The following RGS9 variants were observed in gnomAD, a reference collection of about 807,000 sequenced individuals.
RGS9 encodes regulator of G-protein signalling 9.
Under a neutral mutation model 102.0 loss-of-function variants are expected in RGS9, and 78 were observed. The ratio of observed to expected loss-of-function variants is 0.76; its 90% CI spans 0.64 to 0.92. The LOEUF (loss-of-function observed/expected upper bound fraction) is 0.92. Among genes scored for constraint, RGS9 ranks in the 40% least tolerant of loss-of-function variants. RGS9 has a pLI of 0.00. For synonymous variants in RGS9, 353 were observed against 318.6 expected, an observed-to-expected ratio of 1.11 and a Z score of -1.15; for missense variants, 833 against 866.1, an observed-to-expected ratio of 0.96 and a Z score of 0.48.
At chr17:65,192,992 T>G (rs1912431886) in intron 11 of RGS9, among the ~76,000 whole-genome samples, 1 of 151,774 alleles carries the variant, frequency 6.6e-6, no homozygotes, top group African/African-American at 2.4e-5. Context: ...AGGCCGGGCA[T>G]GGTGGCTCAC....
At chr17:65,157,911 G>T (rs897014219) in intron 2 of RGS9, among the ~76,000 whole-genome samples, 2 of 152,032 alleles carry the variant, frequency 1.3e-5, no homozygotes, top group Non-Finnish European at 2.9e-5. Flanking sequence ...TCTGTTTTGT[G>T]TGTGTGTATG....
intron 17 of RGS9, among the ~76,000 whole-genome samples, chr17:65,216,710 G>C (rs1454176419): frequency 6.6e-6 from 1 of 152,156 alleles, no homozygotes; most frequent in Admixed American, 6.5e-5. Flanking sequence ...TTGAAAATGT[G>C]CTTCTGGTGA....
chr17:65,225,632 G>C, intron 18 of RGS9, 146 bp downstream of exon 18: 1 of 1,163,388 alleles, frequency 8.6e-7, no homozygotes, highest in East Asian at 2.5e-5. Flanking sequence ...TTGGCCACTG[G>C]AAGATATTCA....
chr17:65,204,395 A>T (rs1159856042), intron 15 of RGS9, 94 bp downstream of exon 15: 7 of 1,440,690 alleles, frequency 4.9e-6, no homozygotes, highest in Admixed American at 2.0e-5. Flanking sequence ...AAGAGAGAGG[A>T]TACGTGGATA....
chr17:65,178,180 A>C (rs1325308623), intron 9 of RGS9, among the ~76,000 whole-genome samples: 1 of 152,190 alleles, frequency 6.6e-6, no homozygotes, highest in Non-Finnish European at 1.5e-5. Flanking sequence ...CAGTTCCTTG[A>C]TCCTGAGGAG....
In RGS9 at chr17:65,137,501, C is replaced by G. The variant is rs1306379286; in HGVS notation, c.-40C>G. 9 of 1,603,154 alleles carry G rather than the reference C, an allele frequency of 5.6e-6. No individual in the cohort carries two copies. Among genetic ancestry groups the G allele is most frequent in the Non-Finnish European group, 6.0e-6 (7 of 1,174,158 alleles). On this transcript the variant is annotated 5_prime_UTR_variant, in exon 1 of 19. Transcript: ENST00000262406. ...ACTTGGGGGGCTTCTCCTCTTGTCT[C>G]CCACTGGTGCTCTGGCTGTGAATCC... is the stretch of plus-strand genomic sequence containing the variant.
chr17:65,164,512 A>T (rs1911101654), intron 7 of RGS9, among the ~76,000 whole-genome samples: 1 of 152,178 alleles, frequency 6.6e-6, no homozygotes. Flanking sequence ...ACAGTCCCAG[A>T]TCCAGGAAGG....
At chr17:65,183,101 T>TATCTATCC (rs1555614018) in intron 9 of RGS9, among the ~76,000 whole-genome samples, 3,889 of 149,280 alleles carry the variant, frequency 0.026, 102 homozygotes, top group African/African-American at 0.05. Flanking sequence ...TCTATCTATC[T>TATCTATCC]ATCTATCTAC....
intron 9 of RGS9, among the ~76,000 whole-genome samples, chr17:65,179,635 CTGTGTG>C (rs56275900): frequency 0.053 from 6,584 of 124,990 alleles, 204 homozygotes; most frequent in African/African-American, 0.085. Flanking sequence ...TACTGCTCAG[CTGTGTG>C]TGTGTGTGTG....
chr17:65,163,236 G>A, intron 7 of RGS9, 147 bp downstream of exon 7: 1 of 372,784 alleles, frequency 2.7e-6, no homozygotes, highest in Non-Finnish European at 4.8e-6. Flanking sequence ...GTGCAGTGGT[G>A]TGATCTCGGC....
chr17:65,187,278 T>C (rs1440793162), intron 9 of RGS9, among the ~76,000 whole-genome samples: 1 of 152,196 alleles, frequency 6.6e-6, no homozygotes, highest in Non-Finnish European at 1.5e-5. Context: ...GGTGCCTTCA[T>C]GTTGATTCAT....
chr17:65,190,253 T>C lies in RGS9; in HGVS notation c.746+17T>C, dbSNP rs776269257. The C allele has an allele frequency of 1.2e-5, 19 of 1,602,802 alleles. No individual in the cohort carries two copies. Among genetic ancestry groups the C allele is most frequent in the East Asian group, 2.2e-5 (1 of 44,854 alleles). On this transcript the variant is annotated intron_variant, in intron 11 of 18. Transcript: ENST00000262406. ...CCTGGGAGGGTATGTCCCTGATTTGTTGATCTTGCTAAAGTCTGATGAACA... is the reference window on the plus strand; with the variant it reads ...CCTGGGAGGGTATGTCCCTGATTTGCTGATCTTGCTAAAGTCTGATGAACA...
At chr17:65,153,047 A>G (rs2143973836) in intron 1 of RGS9, among the ~76,000 whole-genome samples, 1 of 151,742 alleles carries the variant, frequency 6.6e-6, no homozygotes, top group Non-Finnish European at 1.5e-5. Context: ...TCCAGCTGCA[A>G]CTCCTGCTGT....
intron 7 of RGS9, among the ~76,000 whole-genome samples, chr17:65,167,053 T>A (rs16960810): frequency 0.12 from 18,419 of 152,060 alleles, 2,217 homozygotes; most frequent in East Asian, 0.51. Context: ...AGCGCGGGTC[T>A]CCGTGGAAAT....
intron 16 of RGS9, 71 bp from the exon 17 acceptor site, chr17:65,210,417 A>C: frequency 6.5e-7 from 1 of 1,548,610 alleles, no homozygotes; most frequent in East Asian, 2.2e-5. Context: ...AGCTCCCATC[A>C]AGTGTGACAG....
At chr17:65,192,491 G>A (rs1912406041) in intron 11 of RGS9, among the ~76,000 whole-genome samples, 1 of 151,962 alleles carries the variant, frequency 6.6e-6, no homozygotes, top group Non-Finnish European at 1.5e-5. Context: ...GCACATGCCC[G>A]TGGTCCCATC....
intron 1 of RGS9, among the ~76,000 whole-genome samples, chr17:65,146,336 T>C (rs1910358198): frequency 6.6e-6 from 1 of 152,166 alleles, no homozygotes; most frequent in African/African-American, 2.4e-5. Flanking sequence ...ACGCCTGTAA[T>C]CCCAGCACTT....
chr17:65,201,495 C>T (rs1444243080), intron 13 of RGS9, among the ~76,000 whole-genome samples: 1 of 152,194 alleles, frequency 6.6e-6, no homozygotes, highest in Non-Finnish European at 1.5e-5. Flanking sequence ...AGTCATTCAA[C>T]GGGAGCAAAG....
rs555004843 is a variant in RGS9, at chr17:65,146,915, T to C, written c.58-6507T>C. ...CAAACAAACAAACAAAAAAAGAAAA[T>C]CAGGCACTTCTTGGGTACCATGGAG... On this transcript the variant is annotated intron_variant, in intron 1 of 18. Coordinates refer to ENST00000262406, the MANE Select transcript of RGS9 (RefSeq NM_003835.4). 5.9e-5 allele frequency among the ~76,000 whole-genome samples: 9 copies of C among 151,688 alleles called. No homozygotes were observed. In the South Asian group the frequency reaches 1.9e-3, roughly 32 times the overall value.
Sources: gnomAD v4.1 joint callset for allele counts (sites outside exome capture counted in the v4.1 genomes callset) on GRCh38, gnomAD v4.1.1 for gene constraint, MANE v1.5 for transcripts, NCBI Gene and HGNC (gene_info 2026-07-23, HGNC 2026-07-21) for gene names.